TTC39B: variants seen among roughly 807,000 people sequenced by gnomAD.
TTC39B encodes the protein tetratricopeptide repeat protein 39B.
Under a neutral mutation model 96.6 loss-of-function variants are expected in TTC39B, and 92 were observed. The ratio of observed to expected loss-of-function variants is 0.95; its 90% confidence interval spans 0.80 to 1.13. The LOEUF (loss-of-function observed/expected upper bound fraction) is 1.13, where lower values mean the gene tolerates loss of function less well. Ranked by LOEUF, TTC39B falls within the 50% of genes most tolerant of loss-of-function variation. The pLI is 0.00. For synonymous variants in TTC39B, 367 were observed against 299.4 expected, an observed-to-expected ratio of 1.23 and a Z score of -2.33; for missense variants, 955 against 809.3, an observed-to-expected ratio of 1.18 and a Z score of -2.18.
At chr9:15,206,608 G>T (rs1819870527) in intron 6 of TTC39B, among the ~76,000 whole-genome samples, 1 of 152,078 alleles carries the variant, frequency 6.6e-6, no homozygotes, top group African/African-American at 2.4e-5. Flanking sequence ...TAGTCCACAG[G>T]AGTAAATATC....
chr9:15,229,442 G>C (rs1262344653), intron 2 of TTC39B, among the ~76,000 whole-genome samples: 1 of 152,196 alleles, frequency 6.6e-6, no homozygotes, highest in African/African-American at 2.4e-5. Context: ...ATGTTAACTT[G>C]TAGATTTTTT....
intron 2 of TTC39B, among the ~76,000 whole-genome samples, chr9:15,243,715 G>C (rs944025091): frequency 6.6e-6 from 1 of 152,054 alleles, no homozygotes; most frequent in South Asian, 2.1e-4. Context: ...TTCTAGACTA[G>C]CCTGGGCAAC....
chr9:15,209,711 A>C (rs991907509), intron 6 of TTC39B, among the ~76,000 whole-genome samples: 3 of 152,236 alleles, frequency 2.0e-5, no homozygotes, highest in Non-Finnish European at 4.4e-5. Context: ...AGAAAAGCCA[A>C]GTAAAGTACA....
intron 4 of TTC39B, 26 bp from the exon 5 acceptor site, chr9:15,211,423 C>T (rs1302483772): frequency 6.9e-7 from 1 of 1,445,486 alleles, no homozygotes; most frequent in South Asian, 1.5e-5. Flanking sequence ...GGAATTCAGA[C>T]ATTTTAATTC....
exon 20 of TTC39B, chr9:15,171,846 G>GA (rs1000600303): frequency 4.2e-5 from 18 of 427,022 alleles, no homozygotes; most frequent in East Asian, 1.1e-4. Flanking sequence ...CATTCCATAG[G>GA]AAAAAAAATT....
Position 15,195,872 on chromosome 9 carries a change from C to T in TTC39B, c.825-3177G>A, listed in dbSNP as rs187859554. Among the ~76,000 whole-genome samples the T allele has an allele frequency of 4.0e-3, 603 of 152,226 alleles. 1 individual carries two copies. Among genetic ancestry groups the T allele is most frequent in the African/African-American group, 0.013 (549 of 41,538 alleles). On this transcript the variant is annotated intron_variant, in intron 8 of 19. Transcript: ENST00000512701. The stretch of plus-strand genomic sequence containing the variant: ...TTCATATCTAGAGAGGAGAAGTCAA[C>T]GCCTGGCTTCAAAACTTCAAAGGTC...
intron 2 of TTC39B, among the ~76,000 whole-genome samples, chr9:15,241,167 G>T (rs1245633823): frequency 1.3e-5 from 2 of 152,144 alleles, no homozygotes; most frequent in Non-Finnish European, 2.9e-5. Context: ...GGAAAATGGG[G>T]AATGACAAGC....
chr9:15,178,398 C>T (rs1456893220), intron 17 of TTC39B, among the ~76,000 whole-genome samples: 2 of 152,040 alleles, frequency 1.3e-5, no homozygotes, highest in Non-Finnish European at 2.9e-5. Flanking sequence ...TACAATGAGA[C>T]CCCGTCTCTA....
intron 2 of TTC39B, among the ~76,000 whole-genome samples, chr9:15,263,134 T>A (rs1264753155): frequency 1.3e-5 from 2 of 152,226 alleles, no homozygotes; most frequent in African/African-American, 4.8e-5. Context: ...AACTGGGGAC[T>A]TCTCAGCCTC....
chr9:15,191,923 A>G (rs1322806332), intron 9 of TTC39B, among the ~76,000 whole-genome samples: 3 of 152,228 alleles, frequency 2.0e-5, no homozygotes, highest in Admixed American at 6.5e-5. Flanking sequence ...GAAAATGTAA[A>G]GATATTTGTG....
intron 17 of TTC39B, 28 bp from the exon 18 acceptor site, chr9:15,177,842 C>T: frequency 6.5e-6 from 8 of 1,238,712 alleles, no homozygotes; most frequent in Non-Finnish European, 6.8e-6. Context: ...ACAAAGAAAA[C>T]ACACAAAGAA....
At chr9:15,179,161 T>C (rs1201647794) in intron 17 of TTC39B, among the ~76,000 whole-genome samples, 7 of 152,200 alleles carry the variant, frequency 4.6e-5, no homozygotes, top group Non-Finnish European at 1.0e-4. Flanking sequence ...CTGACAAAGG[T>C]AGCCATTCCA....
intron 19 of TTC39B, 80 bp from the exon 20 acceptor site, chr9:15,172,189 G>A: frequency 1.1e-6 from 1 of 922,268 alleles, no homozygotes; most frequent in Non-Finnish European, 1.7e-6. Flanking sequence ...TCCTCTCTCT[G>A]ATCTACTTAC....
chr9:15,164,949 T>C (rs1817490748), exon 20 of TTC39B: 1 of 152,206 alleles, frequency 6.6e-6, no homozygotes, highest in Non-Finnish European at 1.5e-5. Context: ...TTTACCATAA[T>C]CTCTGTTTAT....
intron 15 of TTC39B, 165 bp from the exon 16 acceptor site, chr9:15,185,571 G>T (rs895247475): frequency 1.9e-6 from 2 of 1,043,786 alleles, no homozygotes; most frequent in Admixed American, 3.0e-5. Context: ...TAGACCTACT[G>T]AATCAGCAAC....
At chr9:15,225,225 A>G (rs1418143937) in intron 3 of TTC39B, among the ~76,000 whole-genome samples, 1 of 152,188 alleles carries the variant, frequency 6.6e-6, no homozygotes. Context: ...TAAGAAGTAG[A>G]TTACTGAACA....
intron 1 of TTC39B, among the ~76,000 whole-genome samples, chr9:15,290,590 G>A (rs905465329): frequency 2.6e-5 from 4 of 152,198 alleles, no homozygotes; most frequent in East Asian, 3.9e-4. Flanking sequence ...CACGTTTGAC[G>A]TCTTCCTCTA....
intron 2 of TTC39B, among the ~76,000 whole-genome samples, chr9:15,250,718 AAGACCCTAAGAT>A (rs1822497091): frequency 1.3e-5 from 2 of 152,252 alleles, no homozygotes; most frequent in Non-Finnish European, 2.9e-5. Context: ...TACTAGTTCA[AAGACCCTAAGAT>A]AGAACATAGT....
At chr9:15,189,602 A>G in exon 13 of TTC39B, 1 of 1,614,200 alleles carries the variant, frequency 6.2e-7, no homozygotes, top group East Asian at 2.2e-5. Context: ...CAGCAACTCT[A>G]TTCGGGCATG....
Sources: allele counts gnomAD v4.1 joint callset (sites outside exome capture counted in the v4.1 genomes callset), GRCh38; gene constraint gnomAD v4.1.1; transcripts MANE v1.5; gene names NCBI Gene and HGNC (gene_info 2026-07-23, HGNC 2026-07-21).